Variants in SYTL5 observed in about 807,000 individuals in gnomAD.
SYTL5 encodes synaptotagmin-like protein 5.
SYTL5 carries 34 observed loss-of-function variants against 55.9 expected under a neutral mutation model. The observed-to-expected ratio is 0.61, with a 90% CI of 0.46 to 0.81. SYTL5 has a LOEUF of 0.81. Among genes scored for constraint, SYTL5 ranks in the 30% least tolerant of loss-of-function variants. The pLI is 0.00. For missense variants in SYTL5, 637 were observed against 546.7 expected (o/e 1.17, Z -1.65); for synonymous variants, 221 against 188.7 (o/e 1.17, Z -1.40).
the SYTL5 span, among the ~76,000 whole-genome samples, chrX:37,910,601 G>A: frequency 1.8e-5 from 2 of 112,511 alleles, no homozygotes; most frequent in East Asian, 5.6e-4. Context: ...CTGAGATTCT[G>A]CAGTTCTAAC....
the SYTL5 span, among the ~76,000 whole-genome samples, chrX:37,977,873 T>C: frequency 2.7e-5 from 3 of 110,788 alleles, no homozygotes; most frequent in Non-Finnish European, 5.7e-5. Context: ...GTGGTTCCCA[T>C]GCACAGGAAG....
At chrX:37,914,929 G>C in the SYTL5 span, among the ~76,000 whole-genome samples, 3 of 111,229 alleles carry the variant, frequency 2.7e-5, no homozygotes, top group Non-Finnish European at 5.7e-5. Context: ...GAATGGCAGG[G>C]TACAAGATTC....
the SYTL5 span, among the ~76,000 whole-genome samples, chrX:37,983,270 C>T: frequency 7.1e-5 from 8 of 111,935 alleles, no homozygotes; most frequent in East Asian, 2.8e-4. Context: ...CAAGATCCAA[C>T]GTGTGTTGTC....
chrX:37,970,874 C>A, the SYTL5 span, among the ~76,000 whole-genome samples: 1 of 112,041 alleles, frequency 8.9e-6, no homozygotes, highest in Admixed American at 9.5e-5. Context: ...TAGTTTATAA[C>A]CCTTATGGCA....
chrX:38,072,231 A>C (rs1049514584), intron 4 of SYTL5, 69 bp downstream of exon 4: 2 of 825,933 alleles, frequency 2.4e-6, no homozygotes, highest in African/African-American at 2.0e-5. Context: ...TAACTTCTCT[A>C]TGTTATGTAG....
At position 38,108,484 on chromosome X, in the gene SYTL5, G is replaced by T. The variant is rs2147625870; in HGVS notation, c.1335-116G>T. The stretch of plus-strand genomic sequence containing the variant: ...CTGTTATATAGACAAAATTCTCTTT[G>T]GTATTTCCGCTCATGCTCACTGGCC... On this transcript the variant is annotated intron_variant, in intron 11 of 16. Transcript: ENST00000297875. 8.1e-6 allele frequency: 4 copies of T among 494,244 alleles called. No homozygotes were observed. The East Asian group carries it at 1.2e-4, about 14-fold the overall frequency. 40.7% of individuals were successfully genotyped at this position (494,244 alleles called of 1,213,427 possible).
In SYTL5 at chrX:38,079,255, G is replaced by A. The variant is rs181330720; in HGVS notation, c.689+2554G>A. On this transcript the variant is annotated intron_variant, in intron 6 of 16. Transcript: ENST00000297875. ...CATGGATCATTGGTATTTTCATGGA[G>A]CAGCTGGGCTTCGGCATTCCTTTTT... Among the ~76,000 whole-genome samples the A allele has an allele frequency of 3.1e-4, 35 of 111,597 alleles. No individual in the cohort carries two copies. In the East Asian group the frequency reaches 9.3e-3, roughly 30 times the overall value.
chrX:37,952,409 G>A, the SYTL5 span, among the ~76,000 whole-genome samples: 1 of 111,305 alleles, frequency 9.0e-6, no homozygotes, highest in Non-Finnish European at 1.9e-5. Context: ...TCCATGACAA[G>A]GTCAAAAGCA....
intron 5 of SYTL5, among the ~76,000 whole-genome samples, chrX:38,074,543 T>A (rs974727824): frequency 9.0e-6 from 1 of 111,576 alleles, no homozygotes. Flanking sequence ...TATGCCACCA[T>A]GCCTGCCTAA....
the SYTL5 span, among the ~76,000 whole-genome samples, chrX:37,925,234 A>G: frequency 9.1e-3 from 1,017 of 111,869 alleles, 10 homozygotes; most frequent in African/African-American, 0.031. Flanking sequence ...TTATGGCCAA[A>G]TAGTATTCTA....
At chrX:38,071,856 G>A (rs952216056) in intron 3 of SYTL5, among the ~76,000 whole-genome samples, 191 bp from the exon 4 acceptor site, 4 of 111,938 alleles carry the variant, frequency 3.6e-5, no homozygotes, top group East Asian at 2.8e-4. Flanking sequence ...AGTATGAACC[G>A]TAATTAGCAA....
the SYTL5 span, among the ~76,000 whole-genome samples, chrX:37,940,706 A>C: frequency 6.4e-5 from 7 of 109,080 alleles, no homozygotes; most frequent in Non-Finnish European, 1.9e-5. Flanking sequence ...AATTTATTGG[A>C]AGTCAGTAAT....
intron 16 of SYTL5, 150 bp from the exon 17 acceptor site, chrX:38,126,438 A>G: frequency 1.8e-6 from 1 of 542,543 alleles, no homozygotes; most frequent in Non-Finnish European, 2.9e-6. Flanking sequence ...GATTGATTCA[A>G]TTCTAACACC....
the SYTL5 span, among the ~76,000 whole-genome samples, chrX:37,901,222 C>A: frequency 1.8e-5 from 2 of 112,198 alleles, no homozygotes; most frequent in African/African-American, 3.2e-5. Flanking sequence ...ACCTTGGGAG[C>A]AGATGGAACC....
In SYTL5 at chrX:38,125,563, T is replaced by C. The variant is rs1008952534; in HGVS notation, c.2050+57T>C. 8.3e-6 allele frequency: 8 copies of C among 966,227 alleles called. No individual in the cohort carries two copies. In the African/African-American group the frequency reaches 1.5e-4, roughly 18 times the overall value. 79.6% of individuals were successfully genotyped at this position (966,227 alleles called of 1,213,427 possible). A position where few individuals can be genotyped will look rare whatever the true frequency, so the allele number is the denominator to read the frequency against. ...TGTGACTAGGCCCAGGTGGGGGCGCTATTCTTGCAGATGTGATGTGCAGTG... is the reference window on the plus strand; with the variant it reads ...TGTGACTAGGCCCAGGTGGGGGCGCCATTCTTGCAGATGTGATGTGCAGTG... On this transcript the variant is annotated intron_variant, in intron 16 of 16. Transcript: ENST00000297875.
the SYTL5 span, among the ~76,000 whole-genome samples, chrX:37,968,872 T>C: frequency 8.9e-6 from 1 of 112,151 alleles, no homozygotes; most frequent in African/African-American, 3.2e-5. Context: ...GTTCTTAAAG[T>C]GGTTATTTTT....
intron 5 of SYTL5, among the ~76,000 whole-genome samples, chrX:38,076,360 G>T (rs768618742): frequency 8.9e-6 from 1 of 111,923 alleles, no homozygotes; most frequent in African/African-American, 3.2e-5. Context: ...AAGTGGTACG[G>T]TCTTGAGAGA....
rs1277320295 is a variant in SYTL5, at chrX:38,094,198, ATATAAAG to A, written c.832-96_832-90del. On this transcript the variant is annotated intron_variant, in intron 7 of 16. Transcript: ENST00000297875. ...ATTAGCTCCTCCTAAATAATAATAC[ATATAAAG>A]GTGTTTATACTGAAGTATATTTATG... 8 of 779,690 alleles carry A rather than the reference ATATAAAG, an allele frequency of 1.0e-5. No homozygotes were observed. In the East Asian group the frequency reaches 2.8e-4, roughly 28 times the overall value. The allele number at this position is 779,690 out of a possible 1,213,427, so 64.3% of individuals were successfully genotyped here.
At chrX:38,074,487 G>A (rs1936340266) in intron 5 of SYTL5, among the ~76,000 whole-genome samples, 1 of 111,116 alleles carries the variant, frequency 9.0e-6, no homozygotes, top group Non-Finnish European at 1.9e-5. Context: ...CTGGGCTCAA[G>A]CAATCCTCTT....
Sources: gnomAD v4.1 joint callset for allele counts (sites outside exome capture counted in the v4.1 genomes callset) on GRCh38, gnomAD v4.1.1 for gene constraint, MANE v1.5 for transcripts, NCBI Gene and HGNC (gene_info 2026-07-23, HGNC 2026-07-21) for gene names.